The following NRXN1 variants were observed in gnomAD, a reference collection of about 807,000 sequenced individuals.
NRXN1 encodes the protein neurexin 1.
A neutral mutation model predicts 150.9 loss-of-function variants in NRXN1; 39 were observed. The observed-to-expected ratio is 0.26, with a 90% CI of 0.20 to 0.34. The LOEUF (loss-of-function observed/expected upper bound fraction) is 0.34, where lower values mean the gene tolerates loss of function less well. Ranked by LOEUF, NRXN1 falls within the 10% of genes least tolerant of loss-of-function variation. The pLI is 1.00. For missense variants in NRXN1, 1,815 were observed against 1,949.9 expected, an observed-to-expected ratio of 0.93 and a Z score of 1.30; for synonymous variants, 924 against 757.0, an observed-to-expected ratio of 1.22 and a Z score of -3.62.
intron 5 of NRXN1, among the ~76,000 whole-genome samples, chr2:50,865,157 G>A (rs1023037702): frequency 6.6e-6 from 1 of 151,876 alleles, no homozygotes; most frequent in Non-Finnish European, 1.5e-5. Context: ...TAGTTCTAGG[G>A]TCTACAGACA....
chr2:50,005,333 A>G (rs1460510254), intron 21 of NRXN1, among the ~76,000 whole-genome samples: 1 of 152,176 alleles, frequency 6.6e-6, no homozygotes, highest in Non-Finnish European at 1.5e-5. Flanking sequence ...GAAGCGATAT[A>G]GACTTTTCTG....
intron 13 of NRXN1, among the ~76,000 whole-genome samples, chr2:50,504,181 C>T (rs1381402926): frequency 1.4e-5 from 2 of 145,406 alleles, no homozygotes; most frequent in African/African-American, 5.2e-5. Context: ...CTAGACTGCG[C>T]ACTGTGCTGG....
chr2:50,996,961 C>T (rs1185488225), intron 2 of NRXN1, among the ~76,000 whole-genome samples: 3 of 151,912 alleles, frequency 2.0e-5, no homozygotes, highest in African/African-American at 2.4e-5. Context: ...TATTGTTTGA[C>T]GCCATAGGTT....
At chr2:50,840,831 G>T in intron 5 of NRXN1, among the ~76,000 whole-genome samples, 1 of 152,108 alleles carries the variant, frequency 6.6e-6, no homozygotes, top group East Asian at 1.9e-4. Context: ...AGGACATTTT[G>T]AAACATCACG....
In NRXN1 at chr2:50,536,208, G is replaced by A. The variant is rs371552083; in HGVS notation, c.2143+2045C>T. ...GCTTTCAGGAGGCACCCTAACGTGA[G>A]CAAGAAAATTACTTCTGAAAAGCAA... is the stretch of plus-strand genomic sequence containing the variant. On this transcript the variant is annotated intron_variant, in intron 10 of 22. Transcript: ENST00000401669. Among the ~76,000 whole-genome samples the A allele has an allele frequency of 4.6e-5, 7 of 152,278 alleles. No homozygotes were observed. The East Asian group carries it at 7.7e-4, about 17-fold the overall frequency.
chr2:50,436,472 T>C (rs139103634), intron 17 of NRXN1, among the ~76,000 whole-genome samples: 114 of 147,762 alleles, frequency 7.7e-4, no homozygotes, highest in African/African-American at 2.6e-3. Context: ...AAAAAAAAAA[T>C]ACAAAGAAGT....
intron 5 of NRXN1, among the ~76,000 whole-genome samples, chr2:50,819,643 G>A (rs1188830951): frequency 1.3e-5 from 2 of 151,740 alleles, no homozygotes; most frequent in African/African-American, 4.8e-5. Context: ...ATAGAGTCCT[G>A]CACACTTAGC....
At chr2:50,691,387 C>G (rs1692045327) in intron 5 of NRXN1, among the ~76,000 whole-genome samples, 1 of 152,088 alleles carries the variant, frequency 6.6e-6, no homozygotes, top group East Asian at 1.9e-4. Context: ...TTCAGACTGA[C>G]CTGGTATCTC....
At chr2:50,241,019 C>T (rs1712911) in intron 17 of NRXN1, among the ~76,000 whole-genome samples, 86,492 of 151,260 alleles carry the variant, frequency 0.57, 25,266 homozygotes, top group African/African-American at 0.68. Flanking sequence ...ATTCCTACCT[C>T]GTAATTTTTA....
intron 18 of NRXN1, among the ~76,000 whole-genome samples, chr2:50,232,384 T>C (rs2065022924): frequency 1.0e-5 from 1 of 100,314 alleles, no homozygotes; most frequent in African/African-American, 4.0e-5. Flanking sequence ...TTTCTTTTCT[T>C]TTCTTTTTTT....
intron 5 of NRXN1, among the ~76,000 whole-genome samples, chr2:50,639,150 A>G (rs747096654): frequency 2.0e-5 from 3 of 151,770 alleles, no homozygotes; most frequent in Non-Finnish European, 2.9e-5. Flanking sequence ...ATTTGGCTTT[A>G]TGACCCTATA....
At chr2:50,462,135 T>C (rs1318847098) in intron 17 of NRXN1, among the ~76,000 whole-genome samples, 1 of 151,920 alleles carries the variant, frequency 6.6e-6, no homozygotes, top group African/African-American at 2.4e-5. Context: ...TAGCACGCTT[T>C]GATTTTAGTG....
At chr2:50,622,947 A>C (rs750441087) in intron 6 of NRXN1, among the ~76,000 whole-genome samples, 25 of 152,166 alleles carry the variant, frequency 1.6e-4, no homozygotes, top group Non-Finnish European at 3.4e-4. Flanking sequence ...ACTGTGACTT[A>C]ATGACCCCAA....
At chr2:50,215,484 A>C (rs1311981996) in intron 18 of NRXN1, among the ~76,000 whole-genome samples, 1 of 152,038 alleles carries the variant, frequency 6.6e-6, no homozygotes, top group East Asian at 1.9e-4. Context: ...GAAAACATTT[A>C]ATTTATAAAT....
At chr2:50,615,877 C>T (rs934668973) in intron 8 of NRXN1, 3 of 151,998 alleles carry the variant, frequency 2.0e-5, no homozygotes, top group Admixed American at 6.6e-5. Flanking sequence ...ATAAAATGAT[C>T]GAAAATTCTT....
chr2:50,762,705 T>C (rs1056149951), intron 5 of NRXN1, among the ~76,000 whole-genome samples: 5 of 152,000 alleles, frequency 3.3e-5, no homozygotes, highest in African/African-American at 9.7e-5. Context: ...TAATCCATGA[T>C]ATATATGCAC....
At chr2:50,076,260 G>A (rs1697089726) in intron 19 of NRXN1, among the ~76,000 whole-genome samples, 1 of 152,176 alleles carries the variant, frequency 6.6e-6, no homozygotes. Flanking sequence ...GTGAACTGAA[G>A]TCTGACAGCC....
rs199773777 is a variant in NRXN1, at chr2:50,347,618, G to T, written c.3365-110648C>A. ...GCGTCCGCCGCCTCCTGACACTTAC[G>T]CCCGGCGAGGGGTTCAGAGGGAAGA... On this transcript the variant is annotated intron_variant, in intron 17 of 22. Transcript: ENST00000401669. This position sits in a 1 kb window ranked among gnomAD's most constrained non-coding sequence, Gnocchi z 4.9. The T allele has an allele frequency of 2.0e-6, 2 of 1,006,078 alleles. No individual in the cohort carries two copies. Among genetic ancestry groups the T allele is most frequent in the Non-Finnish European group, 2.4e-6 (2 of 842,556 alleles). 62.3% of individuals were successfully genotyped at this position (1,006,078 alleles called of 1,614,324 possible). A position where few individuals can be genotyped will look rare whatever the true frequency, so the allele number is the denominator to read the frequency against.
intron 18 of NRXN1, among the ~76,000 whole-genome samples, chr2:50,180,628 T>G (rs2060647844): frequency 6.6e-6 from 1 of 152,098 alleles, no homozygotes; most frequent in Non-Finnish European, 1.5e-5. Flanking sequence ...ATTCCTTCCC[T>G]CTGGGGGATA....
Sources: allele counts gnomAD v4.1 joint callset (sites outside exome capture counted in the v4.1 genomes callset), GRCh38; gene constraint gnomAD v4.1.1; non-coding constraint Gnocchi (gnomAD v3.1); transcripts MANE v1.5; gene names NCBI Gene and HGNC (gene_info 2026-07-23, HGNC 2026-07-21).